PPM1L: variants seen among roughly 807,000 people sequenced by gnomAD.
PPM1L encodes the protein protein phosphatase 1L.
A neutral mutation model predicts 31.4 loss-of-function variants in PPM1L; 13 were observed. The observed-to-expected ratio is 0.41, with a 90% CI of 0.27 to 0.66. The LOEUF (loss-of-function observed/expected upper bound fraction) is 0.66, where lower values mean the gene tolerates loss of function less well. PPM1L is among the 30% of genes least tolerant of loss of function. The pLI is 0.29. For missense variants in PPM1L, 326 were observed against 453.7 expected (o/e 0.72, Z 2.56); for synonymous variants, 184 against 175.4 (o/e 1.05, Z -0.39).
In PPM1L at chr3:161,074,930, A is replaced by T. The variant is rs1000600665; in HGVS notation, c.*5773A>T. 6.6e-6 allele frequency: 1 copy of T among 152,134 alleles called. No homozygotes were observed. Among genetic ancestry groups the T allele is most frequent in the African/African-American group, 2.4e-5 (1 of 41,404 alleles). 9.4% of individuals were successfully genotyped at this position (152,134 alleles called of 1,614,324 possible). A position where few individuals can be genotyped will look rare whatever the true frequency, so the allele number is the denominator to read the frequency against. ...TTTCATTTATTCTTGAAGTCCTATAACCTTGCATTATTTAAACACAAAATC... is the reference window on the plus strand; with the variant it reads ...TTTCATTTATTCTTGAAGTCCTATATCCTTGCATTATTTAAACACAAAATC... On this transcript the variant is annotated 3_prime_UTR_variant, in exon 4 of 4. Coordinates refer to ENST00000498165, the MANE Select transcript of PPM1L (RefSeq NM_139245.4).
chr3:160,811,714 C>T (rs148829203), intron 1 of PPM1L, among the ~76,000 whole-genome samples: 21 of 152,260 alleles, frequency 1.4e-4, no homozygotes, highest in African/African-American at 4.3e-4. Flanking sequence ...GGCTCTGTGA[C>T]GTTCTACCTA....
chr3:160,995,905 A>G (rs1017205903), intron 2 of PPM1L, among the ~76,000 whole-genome samples: 1 of 152,162 alleles, frequency 6.6e-6, no homozygotes, highest in African/African-American at 2.4e-5. Flanking sequence ...GGAAAGTGGT[A>G]TTGGAAGTTT....
At chr3:160,807,898 A>G (rs953046558) in intron 1 of PPM1L, among the ~76,000 whole-genome samples, 9 of 151,696 alleles carry the variant, frequency 5.9e-5, no homozygotes, top group Non-Finnish European at 2.9e-5. Flanking sequence ...AGGGAGTTTT[A>G]GAAATTAATG....
chr3:160,842,297 G>A, intron 1 of PPM1L: 1 of 702,560 alleles, frequency 1.4e-6, no homozygotes, highest in Non-Finnish European at 2.6e-6. Flanking sequence ...TCAACAGTGA[G>A]TAGATCTGTT....
At chr3:160,942,958 T>C (rs1037540864) in intron 1 of PPM1L, among the ~76,000 whole-genome samples, 2 of 152,174 alleles carry the variant, frequency 1.3e-5, no homozygotes, top group African/African-American at 4.8e-5. Flanking sequence ...GGATAGACTT[T>C]TTTTTTTTAA....
intron 2 of PPM1L, among the ~76,000 whole-genome samples, chr3:161,040,821 C>G (rs530943457): frequency 6.6e-6 from 1 of 152,290 alleles, no homozygotes; most frequent in Admixed American, 6.5e-5. Flanking sequence ...CAACCTGACT[C>G]TGGCATAACA....
At chr3:161,027,054 G>A (rs912648801) in intron 2 of PPM1L, among the ~76,000 whole-genome samples, 1 of 152,198 alleles carries the variant, frequency 6.6e-6, no homozygotes, top group Non-Finnish European at 1.5e-5. Flanking sequence ...TCTGTAAAAT[G>A]GAGATAATAT....
chr3:160,834,205 A>G (rs1713620661), intron 1 of PPM1L, among the ~76,000 whole-genome samples: 1 of 151,712 alleles, frequency 6.6e-6, no homozygotes, highest in African/African-American at 2.4e-5. Flanking sequence ...TTGTATTTTT[A>G]GTAGAGATGG....
chr3:160,776,947 A>G (rs1256734195), intron 1 of PPM1L, among the ~76,000 whole-genome samples: 4 of 151,856 alleles, frequency 2.6e-5, no homozygotes, highest in Non-Finnish European at 5.9e-5. Context: ...TGTCAGATTA[A>G]TCTCATCATG....
At position 160,944,832 on chromosome 3, in the gene PPM1L, A is replaced by ATATATAACATATATGT. The variant is rs1715301253; in HGVS notation, c.400-16898_400-16897insACATATATGTTATATA. ...ATAACATATATATGTTATATATAAC[A>ATATATAACATATATGT]TATATATGTTATATATAACATATAT... On this transcript the variant is annotated intron_variant, in intron 1 of 3. Coordinates refer to ENST00000498165, the MANE Select transcript of PPM1L (RefSeq NM_139245.4). 1.4e-4 allele frequency among the ~76,000 whole-genome samples: 8 copies of ATATATAACATATATGT among 57,048 alleles called. 1 individual carries two copies. The highest frequency in any genetic ancestry group is 4.6e-4 in the African/African-American group (8 of 17,372). 37.4% of individuals were successfully genotyped at this position (57,048 alleles called of 152,430 possible).
chr3:160,832,660 TAA>T (rs1713558511), intron 1 of PPM1L, among the ~76,000 whole-genome samples: 1 of 152,186 alleles, frequency 6.6e-6, no homozygotes, highest in South Asian at 2.1e-4. Context: ...ACGTTCTGAA[TAA>T]TTTCAATAAA....
rs1240901933 is a variant in PPM1L at position 160,756,456 on chromosome 3, A to G, written c.148A>G (p.Lys50Glu). Reference protein sequence around the residue: ...FHTDEVKTIVKSSRDAVKMVK... With the variant: ...FHTDEVKTIVESSRDAVKMVK... ...CACCGACGAGGTGAAGACCATCGTG[A>G]AGTCCAGCCGGGACGCCGTGAAGAT... is the stretch of plus-strand genomic sequence containing the variant. Residue 50 changes from lysine to glutamate, a missense_variant, in exon 1 of 4, where the codon AAG becomes GAG. This residue lies in a region of PPM1L where 42 missense variants were observed against 76.1 expected (regional missense o/e 0.55). Transcript: ENST00000498165. This position sits in a 1 kb window ranked among gnomAD's most constrained non-coding sequence, Gnocchi z 6.2. 1.2e-6 allele frequency: 2 copies of G among 1,614,174 alleles called. No homozygotes were observed. The highest frequency in any genetic ancestry group is 1.7e-5 in the Admixed American group (1 of 60,024).
intron 1 of PPM1L, among the ~76,000 whole-genome samples, chr3:160,835,086 T>TTCTTCTTCTTTC (rs11474788): frequency 2.8e-4 from 30 of 106,264 alleles, no homozygotes; most frequent in African/African-American, 1.1e-3. Context: ...CTTCTTCTTC[T>TTCTTCTTCTTTC]TTCTTTTTTC....
At chr3:160,824,327 A>G (rs1394707779) in intron 1 of PPM1L, among the ~76,000 whole-genome samples, 3 of 152,140 alleles carry the variant, frequency 2.0e-5, no homozygotes, top group Non-Finnish European at 2.9e-5. Flanking sequence ...CACTAGAACT[A>G]TGAGAAATCA....
chr3:160,764,006 T>C (rs1715037976), intron 1 of PPM1L, among the ~76,000 whole-genome samples: 1 of 152,202 alleles, frequency 6.6e-6, no homozygotes, highest in South Asian at 2.1e-4. Flanking sequence ...ATTATAAAAA[T>C]AATATGACTC....
At chr3:160,948,677 T>G (rs1296537891) in intron 1 of PPM1L, among the ~76,000 whole-genome samples, 1 of 152,194 alleles carries the variant, frequency 6.6e-6, no homozygotes, top group Non-Finnish European at 1.5e-5. Context: ...GGGCTCAGCC[T>G]TCTTGAGGCT....
At chr3:161,042,319 C>A (rs1014505631) in intron 2 of PPM1L, among the ~76,000 whole-genome samples, 5 of 152,180 alleles carry the variant, frequency 3.3e-5, no homozygotes, top group Admixed American at 2.0e-4. Context: ...TTGTTAAATG[C>A]CTGCTGAATG....
rs539884914 is a variant in PPM1L at position 160,964,862 on chromosome 3, C to T, written c.574+2952C>T. Among the ~76,000 whole-genome samples the T allele has an allele frequency of 4.0e-5, 6 of 151,880 alleles. No individual in the cohort carries two copies. In the South Asian group the frequency reaches 1.0e-3, roughly 26 times the overall value. ...ACTACCTCCTCCTCCATAACCCATA[C>T]GTTAATTATTTCAATCAAAGAAAGA... On this transcript the variant is annotated intron_variant, in intron 2 of 3. Coordinates refer to ENST00000498165, the MANE Select transcript of PPM1L (RefSeq NM_139245.4).
chr3:160,870,403 A>G (rs1166415675), intron 1 of PPM1L, among the ~76,000 whole-genome samples: 1 of 152,230 alleles, frequency 6.6e-6, no homozygotes, highest in Non-Finnish European at 1.5e-5. Context: ...AAATAATTTT[A>G]AATACTTTAT....
Sources: gnomAD v4.1 joint callset for allele counts (sites outside exome capture counted in the v4.1 genomes callset) on GRCh38, gnomAD v4.1.1 for gene constraint, gnomAD v4.1.1 regional missense constraint, Gnocchi (gnomAD v3.1) non-coding constraint, MANE v1.5 for transcripts, NCBI Gene and HGNC (gene_info 2026-07-23, HGNC 2026-07-21) for gene names.